The following SYNE1 variants were observed in gnomAD, a reference collection of about 807,000 sequenced individuals.
The protein encoded by SYNE1 is spectrin repeat containing nuclear envelope protein 1.
A neutral mutation model predicts 1,111.0 loss-of-function variants in SYNE1; 616 were observed. The ratio of observed to expected loss-of-function variants is 0.55; its 90% CI spans 0.52 to 0.59. SYNE1 has a LOEUF of 0.59. Ranked by LOEUF, SYNE1 falls within the 20% of genes least tolerant of loss-of-function variation. The pLI is 0.00. For missense variants in SYNE1, 10,006 were observed against 10,417.0 expected (o/e 0.96, Z 1.72); for synonymous variants, 3,855 against 3,825.8 (o/e 1.01, Z -0.28).
In SYNE1 at chr6:152,487,842, G is replaced by A. The variant is rs975510128; in HGVS notation, c.1047+554C>T. 9.9e-5 allele frequency among the ~76,000 whole-genome samples: 15 copies of A among 152,082 alleles called. 1 individual carries two copies. The highest frequency in any genetic ancestry group is 3.1e-4 in the African/African-American group (13 of 41,400). On this transcript the variant is annotated intron_variant, in intron 12 of 145. Coordinates refer to ENST00000367255, the MANE Select transcript of SYNE1 (RefSeq NM_182961.4). ...TGTAATCCCAGCACTTTGGGAGGCC[G>A]AGGCAGGTGGATCCCGAGGTCAGGA...
chr6:152,354,217 A>G (rs1384083382), intron 67 of SYNE1, among the ~76,000 whole-genome samples: 1 of 152,208 alleles, frequency 6.6e-6, no homozygotes, highest in Non-Finnish European at 1.5e-5. Flanking sequence ...ACCTAGATCA[A>G]TTTTAAAATG....
At chr6:152,385,862 C>T (rs1262606957) in intron 54 of SYNE1, 24 bp from the exon 55 acceptor site, 2 of 1,612,956 alleles carry the variant, frequency 1.2e-6, no homozygotes, top group Middle Eastern at 1.7e-4. Flanking sequence ...AAAAGACTAC[C>T]TTAACAGTGG....
chr6:152,329,330 G>A (rs994467867), intron 78 of SYNE1, among the ~76,000 whole-genome samples: 9 of 152,068 alleles, frequency 5.9e-5, no homozygotes, highest in African/African-American at 1.9e-4. Flanking sequence ...GTTTGAGACC[G>A]GCTTGGCCAA....
chr6:152,544,275 T>C lies in SYNE1; in HGVS notation c.68-4254A>G, dbSNP rs919378623. Among the ~76,000 whole-genome samples the C allele has an allele frequency of 2.3e-4, 35 of 152,154 alleles. 1 individual carries two copies. The highest frequency in any genetic ancestry group is 8.2e-4 in the African/African-American group (34 of 41,432). On this transcript the variant is annotated intron_variant, in intron 3 of 145. Coordinates refer to ENST00000367255, the MANE Select transcript of SYNE1 (RefSeq NM_182961.4). Reference sequence around the variant, plus strand: ...AAGACCAGTTTTTGGTGTGGGTGATTATTACTGGGTAGAATTGGTTCACAT... The same window carrying C: ...AAGACCAGTTTTTGGTGTGGGTGATCATTACTGGGTAGAATTGGTTCACAT...
rs565352324 is a variant in SYNE1 at position 152,221,136 on chromosome 6, T to C, written c.21657-90A>G. On this transcript the variant is annotated intron_variant, in intron 118 of 145. Coordinates refer to ENST00000367255, the MANE Select transcript of SYNE1 (RefSeq NM_182961.4). ...TTTTATTTTTCATGATCCTGGTTCA[T>C]GTGAATATAGACATAATCATTTCTA... 391 of 1,335,872 alleles carry C rather than the reference T, an allele frequency of 2.9e-4. No homozygotes were observed. The African/African-American group carries it at 5.1e-3, about 17-fold the overall frequency. 82.8% of individuals were successfully genotyped at this position (1,335,872 alleles called of 1,614,324 possible).
At chr6:152,268,413 G>T (rs1307647316) in intron 99 of SYNE1, among the ~76,000 whole-genome samples, 5 of 147,926 alleles carry the variant, frequency 3.4e-5, no homozygotes, top group African/African-American at 1.2e-4. Context: ...AACCACCAAT[G>T]GGAAAAGAAA....
chr6:152,229,391 T>C (rs942832201), intron 115 of SYNE1, among the ~76,000 whole-genome samples: 1 of 152,202 alleles, frequency 6.6e-6, no homozygotes, highest in Non-Finnish European at 1.5e-5. Context: ...CCTGAGTCAC[T>C]GGAAAACATT....
rs776557962 is a variant in SYNE1 at position 152,409,132 on chromosome 6, A to C, written c.6476T>G (p.Ile2159Ser). 2 of 1,614,014 alleles carry C rather than the reference A, an allele frequency of 1.2e-6. No homozygotes were observed. The highest frequency in any genetic ancestry group is 1.7e-6 in the Non-Finnish European group (2 of 1,180,020). The change falls in exon 44 of 146, where the codon ATT becomes AGT. Residue 2159 changes from isoleucine to serine, a missense_variant. Around this residue, in one of 7 missense-constraint regions of SYNE1, gnomAD observed 4,955 missense variants for 5,017.2 expected, o/e 0.99. Transcript: ENST00000367255. ...CACCAAGCTGAAATCACTACTGTGAATTTTCTTCAGCTCAGATAACAAGTG... is the reference window on the plus strand; with the variant it reads ...CACCAAGCTGAAATCACTACTGTGACTTTTCTTCAGCTCAGATAACAAGTG... ...GKHLLSELKK[I>S]HSSDFSLVKT...
chr6:152,574,436 C>T (rs2099488240), intron 3 of SYNE1, among the ~76,000 whole-genome samples: 1 of 152,032 alleles, frequency 6.6e-6, no homozygotes, highest in South Asian at 2.1e-4. Flanking sequence ...CTTTCTGCAC[C>T]TGACAGTTAA....
In SYNE1 at chr6:152,254,976, C is replaced by A; in HGVS notation, c.19374G>T (p.Leu6458Phe). ...GDNRDVIEDTLGCLLGRLSLL... is the reference protein window; with the variant it reads ...GDNRDVIEDTFGCLLGRLSLL... ...AGGATAACCTGCCCAAAAGACAACC[C>A]AAAGTATCTTCAATAACATCTCGAT... is the stretch of plus-strand genomic sequence containing the variant. The change falls in exon 104 of 146, where the codon TTG becomes TTT. Residue 6458 changes from leucine (L) to phenylalanine (F), a missense_variant. This residue lies in a region of SYNE1 where 2,182 missense variants were observed against 2,287.8 expected (regional missense o/e 0.95). Coordinates refer to ENST00000367255, the MANE Select transcript of SYNE1 (RefSeq NM_182961.4). 1 of 1,614,004 alleles carries A rather than the reference C, an allele frequency of 6.2e-7. No homozygotes were observed. Among genetic ancestry groups the A allele is most frequent in the Non-Finnish European group, 8.5e-7 (1 of 1,179,964 alleles).
At chr6:152,487,807 G>A (rs1056583948) in intron 12 of SYNE1, among the ~76,000 whole-genome samples, 2 of 152,172 alleles carry the variant, frequency 1.3e-5, no homozygotes, top group Non-Finnish European at 2.9e-5. Flanking sequence ...CGGGCATGGT[G>A]GCTCACGCCT....
intron 112 of SYNE1, among the ~76,000 whole-genome samples, chr6:152,233,320 T>G (rs535290918): frequency 6.7e-6 from 1 of 150,204 alleles, no homozygotes; most frequent in Admixed American, 6.6e-5. Context: ...CAGGGCTTTG[T>G]AGCGTAGTTC....
At chr6:152,430,271 A>G (rs2098416757) in intron 35 of SYNE1, 61 bp from the exon 36 acceptor site, 2 of 1,414,544 alleles carry the variant, frequency 1.4e-6, no homozygotes, top group Non-Finnish European at 2.0e-6. Context: ...GACAAAAAAA[A>G]AAGTTACTGA....
intron 129 of SYNE1, among the ~76,000 whole-genome samples, chr6:152,178,253 C>T (rs2066976146): frequency 2.0e-5 from 3 of 151,618 alleles, no homozygotes; most frequent in Admixed American, 1.3e-4. Context: ...AAAAAAAAAG[C>T]AATGAGAATA....
intron 126 of SYNE1, among the ~76,000 whole-genome samples, chr6:152,203,619 A>G (rs1563472097): frequency 6.6e-6 from 1 of 152,116 alleles, no homozygotes; most frequent in Non-Finnish European, 1.5e-5. Context: ...GATTATTTCT[A>G]CTTCTCTCCT....
intron 130 of SYNE1, among the ~76,000 whole-genome samples, chr6:152,166,049 G>A (rs2635471): frequency 0.83 from 127,056 of 152,176 alleles, 53,309 homozygotes; most frequent in Middle Eastern, 0.9. Context: ...AGCCTCTCCT[G>A]CATGACTTCA....
At chr6:152,149,987 A>G (rs1474419114) in intron 135 of SYNE1, among the ~76,000 whole-genome samples, 1 of 152,208 alleles carries the variant, frequency 6.6e-6, no homozygotes, top group Non-Finnish European at 1.5e-5. Flanking sequence ...AGTTGACAGC[A>G]CTGGTTATCC....
intron 38 of SYNE1, among the ~76,000 whole-genome samples, chr6:152,426,630 C>A (rs1399065886): frequency 6.6e-5 from 10 of 152,222 alleles, no homozygotes; most frequent in Non-Finnish European, 5.9e-5. Flanking sequence ...GCTGTGAAGT[C>A]CCTCCCCTCT....
Position 152,244,628 on chromosome 6 carries a change from T to C in SYNE1, c.19601A>G (p.Lys6534Arg). The C allele has an allele frequency of 6.2e-7, 1 of 1,614,046 alleles. No homozygotes were observed. Among genetic ancestry groups the C allele is most frequent in the Non-Finnish European group, 8.5e-7 (1 of 1,179,922 alleles). Reference sequence around the variant, plus strand: ...TTCAATGATTCCTGCATCAAATTCTTTGAGTCCATCTTCAGCCTGTTGTAT... The same window carrying C: ...TTCAATGATTCCTGCATCAAATTCTCTGAGTCCATCTTCAGCCTGTTGTAT... ...EAIQQAEDGL[K>R]EFDAGIIELK... is the part of the protein sequence containing the mutation. The change falls in exon 106 of 146, where the codon AAA (lysine) becomes AGA (arginine). Residue 6534 changes from lysine to arginine, a missense_variant. Coordinates refer to ENST00000367255, the MANE Select transcript of SYNE1 (RefSeq NM_182961.4).
Sources: allele counts gnomAD v4.1 joint callset (sites outside exome capture counted in the v4.1 genomes callset), GRCh38; gene constraint gnomAD v4.1.1; regional missense constraint gnomAD v4.1.1; transcripts MANE v1.5; gene names NCBI Gene and HGNC (gene_info 2026-07-23, HGNC 2026-07-21).